CXXC5: variants seen among roughly 807,000 people sequenced by gnomAD.
The protein encoded by CXXC5 is CXXC finger protein 5.
CXXC5 carries 2 observed loss-of-function variants against 17.6 expected under a neutral mutation model. The ratio of observed to expected loss-of-function variants is 0.11; its 90% confidence interval spans 0.05 to 0.36. CXXC5 has a LOEUF of 0.36. Among genes scored for constraint, CXXC5 ranks in the 10% least tolerant of loss-of-function variants. The pLI is 1.00. For synonymous variants in CXXC5, 171 were observed against 193.0 expected (o/e 0.89, Z 0.94); for missense variants, 343 against 458.3 (o/e 0.75, Z 2.30).
intron 1 of CXXC5, among the ~76,000 whole-genome samples, chr5:139,660,987 C>T (rs879470885): frequency 2.6e-5 from 4 of 151,474 alleles, no homozygotes; most frequent in South Asian, 2.1e-4. Flanking sequence ...GCTCAGGTTT[C>T]GATGAAACAG....
At chr5:139,653,579 G>A (rs1455381426) in intron 1 of CXXC5, among the ~76,000 whole-genome samples, 1 of 152,130 alleles carries the variant, frequency 6.6e-6, no homozygotes, top group African/African-American at 2.4e-5. Context: ...GTATTACATG[G>A]AGCTGGAACC....
chr5:139,652,623 T>C (rs1755274265), intron 1 of CXXC5, among the ~76,000 whole-genome samples: 3 of 152,230 alleles, frequency 2.0e-5, no homozygotes, highest in Non-Finnish European at 2.9e-5. Flanking sequence ...TGAATGTCTG[T>C]CTCAGGGTGT....
rs1448615352 is a variant in CXXC5 at position 139,658,085 on chromosome 5, T to G, written c.-161+9240T>G. Among the ~76,000 whole-genome samples, 1 of 152,126 alleles carries G rather than the reference T, an allele frequency of 6.6e-6. No homozygotes were observed. Among genetic ancestry groups the G allele is most frequent in the African/African-American group, 2.4e-5 (1 of 41,402 alleles). On this transcript the variant is annotated intron_variant, in intron 1 of 2. Transcript: ENST00000302517. This position sits in a 1 kb window ranked among gnomAD's most constrained non-coding sequence, Gnocchi z 4.1. The stretch of plus-strand genomic sequence containing the variant: ...CAGCTTCATGCCAGTTCCTGTTGAC[T>G]CTGATGGGAGAGACCCAGCCCCTCT...
chr5:139,654,537 G>A (rs920038493), intron 1 of CXXC5, among the ~76,000 whole-genome samples: 3 of 152,156 alleles, frequency 2.0e-5, no homozygotes, highest in Non-Finnish European at 2.9e-5. Flanking sequence ...CTTTTATAGA[G>A]ACAAGGAATG....
Position 139,682,046 on chromosome 5 carries a change from C to T in CXXC5, c.924+599C>T, listed in dbSNP as rs192935367. On this transcript the variant is annotated intron_variant, in intron 2 of 2. Coordinates refer to ENST00000302517, the MANE Select transcript of CXXC5 (RefSeq NM_016463.9). ...GGGTAAGGGGAGGTGACCATGAGCC[C>T]GGAGTGGACAAGAACCTAGCCACTG... 8.5e-4 allele frequency among the ~76,000 whole-genome samples: 129 copies of T among 152,210 alleles called. 4 individuals carry two copies. In the East Asian group the frequency reaches 0.023, roughly 27 times the overall value.
chr5:139,655,468 A>T (rs1755442186), intron 1 of CXXC5, among the ~76,000 whole-genome samples: 1 of 123,384 alleles, frequency 8.1e-6, no homozygotes, highest in Admixed American at 1.0e-4. Context: ...CCTGCCGCTG[A>T]ATTACTGACC....
intron 1 of CXXC5, among the ~76,000 whole-genome samples, chr5:139,662,517 A>G (rs761798009): frequency 1.3e-5 from 2 of 152,136 alleles, no homozygotes; most frequent in Non-Finnish European, 2.9e-5. Context: ...TTTGGATGCA[A>G]TCTCCTAACA....
At chr5:139,674,898 A>T (rs1756693848) in intron 1 of CXXC5, among the ~76,000 whole-genome samples, 1 of 152,204 alleles carries the variant, frequency 6.6e-6, no homozygotes, top group South Asian at 2.1e-4. Flanking sequence ...TGGGACCCTG[A>T]CAGCCTCATA....
At chr5:139,660,509 T>A (rs1342431064) in intron 1 of CXXC5, among the ~76,000 whole-genome samples, 1 of 152,014 alleles carries the variant, frequency 6.6e-6, no homozygotes, top group Non-Finnish European at 1.5e-5. Flanking sequence ...AGCCCTTATC[T>A]CCTATGCGAA....
Position 139,663,760 on chromosome 5 carries a change from AC to A in CXXC5, c.-161+14916del, listed in dbSNP as rs1379633296. Among the ~76,000 whole-genome samples the A allele has an allele frequency of 6.6e-6, 1 of 152,194 alleles. No homozygotes were observed. The highest frequency in any genetic ancestry group is 1.5e-5 in the Non-Finnish European group (1 of 68,024). ...GCAGATGTGGACAGTAAAAACAACA[AC>A]ATGGCTATCCTTAGTTGAGCACCTA... On this transcript the variant is annotated intron_variant, in intron 1 of 2. Transcript: ENST00000302517. This position sits in a 1 kb window ranked among gnomAD's most constrained non-coding sequence, Gnocchi z 4.2.
chr5:139,651,574 G>A (rs1177993879), intron 1 of CXXC5, among the ~76,000 whole-genome samples: 2 of 152,206 alleles, frequency 1.3e-5, no homozygotes, highest in African/African-American at 2.4e-5. Flanking sequence ...TGTGGGGGCA[G>A]GCTTGTATCT....
chr5:139,650,589 A>T (rs1006581228), intron 1 of CXXC5, among the ~76,000 whole-genome samples: 10 of 151,942 alleles, frequency 6.6e-5, no homozygotes, highest in African/African-American at 2.4e-4. Context: ...CGCGATTTGA[A>T]CGCCCGGCTC....
rs559384324 is a variant in CXXC5 at position 139,654,959 on chromosome 5, C to T, written c.-161+6114C>T. On this transcript the variant is annotated intron_variant, in intron 1 of 2. Transcript: ENST00000302517. The stretch of plus-strand genomic sequence containing the variant: ...GAGCTGTGAGGCCCAGCCGTCCCTC[C>T]CCACAGGTCTCTGTGGAAAGTGGTG... 2.8e-3 allele frequency among the ~76,000 whole-genome samples: 425 copies of T among 152,242 alleles called. 4 individuals carry two copies. The highest frequency in any genetic ancestry group is 8.6e-3 in the African/African-American group (358 of 41,516).
chr5:139,656,000 C>T (rs1755476195), intron 1 of CXXC5, among the ~76,000 whole-genome samples: 1 of 152,238 alleles, frequency 6.6e-6, no homozygotes, highest in African/African-American at 2.4e-5. Flanking sequence ...GAGCCCTGTA[C>T]CCGCCCTCCT....
chr5:139,647,977 G>A (rs1286531376), upstream of CXXC5: 1 of 151,842 alleles, frequency 6.6e-6, no homozygotes, highest in Non-Finnish European at 1.5e-5. Flanking sequence ...CTCTAGAGGG[G>A]GCAGAAAGAT....
At position 139,679,523 on chromosome 5, in the gene CXXC5, C is replaced by T. The variant is rs140919855; in HGVS notation, c.-160-841C>T. 7.9e-5 allele frequency among the ~76,000 whole-genome samples: 12 copies of T among 152,270 alleles called. 1 individual carries two copies. In the East Asian group the frequency reaches 2.3e-3, roughly 29 times the overall value. On this transcript the variant is annotated intron_variant, in intron 1 of 2. Coordinates refer to ENST00000302517, the MANE Select transcript of CXXC5 (RefSeq NM_016463.9). ...AGGTTCCTTTGCCTGCAGGACATGT[C>T]AGAGCCTTGAAATAACTGATGTGTA...
rs375593272 is a variant in CXXC5, at chr5:139,660,726, G to C, written c.-161+11881G>C. ...ACTGGGAATTGGTGAACATGGGGGGGTTTGCTGGGGTGGGGGGCCTATATT... is the reference window on the plus strand; with the variant it reads ...ACTGGGAATTGGTGAACATGGGGGGCTTTGCTGGGGTGGGGGGCCTATATT... On this transcript the variant is annotated intron_variant, in intron 1 of 2. Transcript: ENST00000302517. Among the ~76,000 whole-genome samples, 421 of 145,964 alleles carry C rather than the reference G, an allele frequency of 2.9e-3. 4 individuals carry two copies. The highest frequency in any genetic ancestry group is 0.01 in the African/African-American group (408 of 39,892).
chr5:139,677,959 A>C (rs1381998188), intron 1 of CXXC5, among the ~76,000 whole-genome samples: 2 of 152,268 alleles, frequency 1.3e-5, no homozygotes, highest in Non-Finnish European at 2.9e-5. Context: ...TGAGCAGAGC[A>C]GGAACAGCGT....
In CXXC5 at chr5:139,663,268, T is replaced by G. The variant is rs557030830; in HGVS notation, c.-161+14423T>G. Reference sequence around the variant, plus strand: ...GGCTTTCTCTGTCTCCCACCCCCTATGCTCACACAGCAAGGCTATATGTTA... The same window carrying G: ...GGCTTTCTCTGTCTCCCACCCCCTAGGCTCACACAGCAAGGCTATATGTTA... On this transcript the variant is annotated intron_variant, in intron 1 of 2. Coordinates refer to ENST00000302517, the MANE Select transcript of CXXC5 (RefSeq NM_016463.9). The surrounding 1 kb of genome is among the most constrained non-coding windows in gnomAD (Gnocchi z 4.2). Among the ~76,000 whole-genome samples, 21 of 152,264 alleles carry G rather than the reference T, an allele frequency of 1.4e-4. No homozygotes were observed. Among genetic ancestry groups the G allele is most frequent in the African/African-American group, 4.8e-4 (20 of 41,536 alleles).
Sources: allele counts gnomAD v4.1 joint callset (sites outside exome capture counted in the v4.1 genomes callset), GRCh38; gene constraint gnomAD v4.1.1; non-coding constraint Gnocchi (gnomAD v3.1); transcripts MANE v1.5; gene names NCBI Gene and HGNC (gene_info 2026-07-23, HGNC 2026-07-21).